The following NSMCE1 variants were observed in gnomAD, a reference collection of about 807,000 sequenced individuals.
NSMCE1 encodes the protein NSE1 component of SMC5/6 complex.
Under a neutral mutation model 29.6 loss-of-function variants are expected in NSMCE1, and 18 were observed. The observed-to-expected ratio is 0.61, with a 90% CI of 0.42 to 0.90. The LOEUF (loss-of-function observed/expected upper bound fraction) is 0.90. NSMCE1 is among the 40% of genes least tolerant of loss of function. The probability of loss-of-function intolerance (pLI) is 0.00; values close to 1 mark genes in which losing one functional copy is unlikely to be tolerated. For synonymous variants in NSMCE1, 124 were observed against 133.4 expected, an observed-to-expected ratio of 0.93 and a Z score of 0.49; for missense variants, 314 against 343.6, an observed-to-expected ratio of 0.91 and a Z score of 0.68.
At chr16:27,239,717 C>T (rs371565146) in intron 2 of NSMCE1, among the ~76,000 whole-genome samples, 165 of 152,296 alleles carry the variant, frequency 1.1e-3, no homozygotes, top group Non-Finnish European at 2.1e-3. Flanking sequence ...GGAACGAGGC[C>T]CTGGCCCTAG....
chr16:27,234,209 T>C lies in NSMCE1; in HGVS notation c.315A>G (p.Glu105=), dbSNP rs2083794099. 6.2e-7 allele frequency: 1 copy of C among 1,612,988 alleles called. No homozygotes were observed. ...TTACAGCCTTTCTAAACAAATCCAGTTCATTCTCTGCAAAATCCGTAGCCA... is the reference window on the plus strand; with the variant it reads ...TTACAGCCTTTCTAAACAAATCCAGCTCATTCTCTGCAAAATCCGTAGCCA... ...SKMATDFAEN[E]LDLFRKALEL... is the part of the protein sequence containing the mutation. The change falls in exon 4 of 8, where the codon GAA becomes GAG. Residue 105 remains glutamate, a synonymous_variant. Transcript: ENST00000361439.
chr16:27,228,918 C>T (rs931454435), intron 5 of NSMCE1, among the ~76,000 whole-genome samples: 1 of 151,760 alleles, frequency 6.6e-6, no homozygotes, highest in African/African-American at 2.4e-5. Context: ...TGGCAACCCA[C>T]CTCCCCGGCC....
At chr16:27,234,026 G>T in intron 4 of NSMCE1, 162 bp downstream of exon 4, 1 of 608,470 alleles carries the variant, frequency 1.6e-6, no homozygotes, top group Non-Finnish European at 2.9e-6. Context: ...GTTCCAGATG[G>T]GTAGACAGTG....
intron 2 of NSMCE1, among the ~76,000 whole-genome samples, chr16:27,243,546 G>T (rs1596683329): frequency 6.6e-6 from 1 of 152,288 alleles, no homozygotes; most frequent in East Asian, 1.9e-4. Flanking sequence ...AGACCTGCAG[G>T]AAGCCAGGCC....
chr16:27,238,852 C>T (rs2083857675), intron 2 of NSMCE1, among the ~76,000 whole-genome samples: 2 of 151,976 alleles, frequency 1.3e-5, no homozygotes, highest in Admixed American at 1.3e-4. Flanking sequence ...TGTGTCCCTC[C>T]CCCAATAGCA....
chr16:27,239,266 G>A (rs1454551647), intron 2 of NSMCE1, among the ~76,000 whole-genome samples: 2 of 152,160 alleles, frequency 1.3e-5, no homozygotes, highest in Non-Finnish European at 1.5e-5. Flanking sequence ...GCACCAGATC[G>A]CTGCTTCCCA....
intron 1 of NSMCE1, 22 bp from the exon 2 acceptor site, chr16:27,257,603 C>A: frequency 6.3e-7 from 1 of 1,591,336 alleles, no homozygotes. Flanking sequence ...GTAAATGACA[C>A]TAGTCAACCC....
intron 5 of NSMCE1, among the ~76,000 whole-genome samples, chr16:27,229,366 G>A (rs908368077): frequency 6.6e-6 from 1 of 152,160 alleles, no homozygotes; most frequent in Non-Finnish European, 1.5e-5. Context: ...CTGATCTCGG[G>A]CTCCCCCTCC....
intron 1 of NSMCE1, among the ~76,000 whole-genome samples, chr16:27,267,609 A>G (rs2084240743): frequency 1.3e-5 from 2 of 151,330 alleles, no homozygotes; most frequent in African/African-American, 4.9e-5. Context: ...ATACTAGTGG[A>G]TGATCGGATG....
At chr16:27,234,987 T>C (rs2140991407) in intron 3 of NSMCE1, among the ~76,000 whole-genome samples, 191 bp downstream of exon 3, 1 of 152,386 alleles carries the variant, frequency 6.6e-6, no homozygotes, top group South Asian at 2.1e-4. Flanking sequence ...AGAGTTTCTT[T>C]TCATAGCTTC....
At chr16:27,225,300 C>G in intron 7 of NSMCE1, 64 bp from the exon 8 acceptor site, 1 of 951,870 alleles carries the variant, frequency 1.1e-6, no homozygotes, top group Non-Finnish European at 1.7e-6. Flanking sequence ...GGGGCACCAG[C>G]TGGAGCCAGC....
At chr16:27,235,755 T>A (rs1567274848) in intron 2 of NSMCE1, among the ~76,000 whole-genome samples, 1 of 152,332 alleles carries the variant, frequency 6.6e-6, no homozygotes, top group East Asian at 1.9e-4. Context: ...ACATCTTAGG[T>A]GGAGCTTTAT....
chr16:27,232,538 C>A lies in NSMCE1; in HGVS notation c.483+463G>T, dbSNP rs1196962019. Among the ~76,000 whole-genome samples, 2 of 152,380 alleles carry A rather than the reference C, an allele frequency of 1.3e-5. No individual in the cohort carries two copies. The highest frequency in any genetic ancestry group is 2.4e-5 in the African/African-American group (1 of 41,596). ...CTCCCCCGCGAGCCAGCCAGCCTAG[C>A]ACCGAGCACATTACTGTGAGGTCCC... On this transcript the variant is annotated intron_variant, in intron 5 of 7. Coordinates refer to ENST00000361439, the MANE Select transcript of NSMCE1 (RefSeq NM_145080.4). This position sits in a 1 kb window ranked among gnomAD's most constrained non-coding sequence, Gnocchi z 4.5.
chr16:27,235,408 A>G, intron 2 of NSMCE1, 109 bp from the exon 3 acceptor site: 2 of 1,250,234 alleles, frequency 1.6e-6, no homozygotes, highest in Non-Finnish European at 2.3e-6. Flanking sequence ...CAGCAACCCC[A>G]GACATGGGTG....
chr16:27,225,199 G>C lies in NSMCE1; in HGVS notation c.759C>G (p.Val253=). The change falls in exon 8 of 8, where the codon GTC becomes GTG. Residue 253 remains valine, a synonymous_variant. Transcript: ENST00000361439. ...FDPEKERESG[V]LKSNKKSLRS... ...GCAGGGACTTTTTGTTCGATTTCAA[G>C]ACACCAGACTCCCTCTCCTTCTCAG... 1 of 1,607,942 alleles carries C rather than the reference G, an allele frequency of 6.2e-7. No individual in the cohort carries two copies. The highest frequency in any genetic ancestry group is 1.1e-5 in the South Asian group (1 of 89,864).
intron 2 of NSMCE1, among the ~76,000 whole-genome samples, chr16:27,250,358 G>C (rs113336335): frequency 0.026 from 3,961 of 152,294 alleles, 149 homozygotes; most frequent in African/African-American, 0.089. Flanking sequence ...ACCATTAAGA[G>C]TGATGTTAGC....
At chr16:27,237,640 G>C (rs75975475) in intron 2 of NSMCE1, among the ~76,000 whole-genome samples, 1 of 134,442 alleles carries the variant, frequency 7.4e-6, no homozygotes, top group African/African-American at 2.9e-5. Flanking sequence ...CCACCTCTCT[G>C]AAAGTGACAA....
intron 2 of NSMCE1, among the ~76,000 whole-genome samples, chr16:27,250,416 C>G (rs1196054624): frequency 6.6e-6 from 1 of 151,602 alleles, no homozygotes; most frequent in Non-Finnish European, 1.5e-5. Flanking sequence ...AAGTTCCCTT[C>G]TTTTCTCACT....
intron 2 of NSMCE1, among the ~76,000 whole-genome samples, chr16:27,250,126 T>C (rs182850158): frequency 2.0e-5 from 3 of 152,372 alleles, no homozygotes; most frequent in Admixed American, 1.3e-4. Flanking sequence ...ACAACTTTAC[T>C]AAACTCACTT....
Sources: allele counts gnomAD v4.1 joint callset (sites outside exome capture counted in the v4.1 genomes callset), GRCh38; gene constraint gnomAD v4.1.1; non-coding constraint Gnocchi (gnomAD v3.1); transcripts MANE v1.5; gene names NCBI Gene and HGNC (gene_info 2026-07-23, HGNC 2026-07-21).